The following VEGFC variants were observed in gnomAD, a reference collection of about 807,000 sequenced individuals.
The protein encoded by VEGFC is FLT4 ligand DHM.
A neutral mutation model predicts 46.1 loss-of-function variants in VEGFC; 12 were observed. The observed-to-expected ratio is 0.26, with a 90% CI of 0.17 to 0.42. The LOEUF is 0.42. Ranked by LOEUF, VEGFC falls within the 10% of genes least tolerant of loss-of-function variation. The probability of loss-of-function intolerance (pLI) is 1.00; values close to 1 mark genes in which losing one functional copy is unlikely to be tolerated. For synonymous variants in VEGFC, 232 were observed against 195.5 expected, an observed-to-expected ratio of 1.19 and a Z score of -1.56; for missense variants, 488 against 529.4, an observed-to-expected ratio of 0.92 and a Z score of 0.77.
At chr4:176,789,256 T>C (rs1035889169) in intron 1 of VEGFC, among the ~76,000 whole-genome samples, 2 of 152,224 alleles carry the variant, frequency 1.3e-5, no homozygotes, top group Admixed American at 1.3e-4. Context: ...ACCCTCCGTC[T>C]TTCTCAACTC....
chr4:176,768,591 G>T (rs1410804464), intron 1 of VEGFC, among the ~76,000 whole-genome samples: 1 of 149,396 alleles, frequency 6.7e-6, no homozygotes, highest in Non-Finnish European at 1.5e-5. Flanking sequence ...GCCCTCCAGG[G>T]GCTGCCAATC....
intron 1 of VEGFC, among the ~76,000 whole-genome samples, chr4:176,767,772 TAATGTGACTTACATCCTAAA>T (rs531445586): frequency 2.8e-4 from 43 of 152,290 alleles, no homozygotes; most frequent in African/African-American, 9.9e-4. Flanking sequence ...GAGAGGAATA[TAATGTGACTTACATCCTAAA>T]AGGATTCTTC....
intron 1 of VEGFC, among the ~76,000 whole-genome samples, chr4:176,787,846 T>C (rs1736029361): frequency 6.6e-6 from 1 of 152,240 alleles, no homozygotes; most frequent in South Asian, 2.1e-4. Context: ...GCATCTCTCC[T>C]TGTTTAAAGT....
intron 4 of VEGFC, among the ~76,000 whole-genome samples, chr4:176,690,215 T>G (rs1399643717): frequency 2.6e-5 from 4 of 152,202 alleles, no homozygotes; most frequent in African/African-American, 9.6e-5. Flanking sequence ...CCTGCATATA[T>G]TATGTACTTC....
chr4:176,784,322 A>G (rs1178175755), intron 1 of VEGFC, among the ~76,000 whole-genome samples: 1 of 151,972 alleles, frequency 6.6e-6, no homozygotes, highest in Non-Finnish European at 1.5e-5. Context: ...TACCTGACTC[A>G]GACTCCCAAA....
intron 3 of VEGFC, among the ~76,000 whole-genome samples, chr4:176,721,930 G>A (rs1413459028): frequency 6.6e-6 from 1 of 152,104 alleles, no homozygotes; most frequent in Admixed American, 6.6e-5. Flanking sequence ...CAGAGAAGGT[G>A]TCTTAGGTCA....
chr4:176,766,578 C>T (rs1267817741), intron 1 of VEGFC, among the ~76,000 whole-genome samples: 15 of 66,568 alleles, frequency 2.3e-4, no homozygotes, highest in Non-Finnish European at 4.7e-4. Flanking sequence ...CAGAATGACA[C>T]TCTGTCTCAA....
chr4:176,775,435 G>C (rs1735799042), intron 1 of VEGFC, among the ~76,000 whole-genome samples: 1 of 152,098 alleles, frequency 6.6e-6, no homozygotes, highest in Admixed American at 6.6e-5. Context: ...GTGTTGGACA[G>C]CCTGTTTCTT....
intron 6 of VEGFC, among the ~76,000 whole-genome samples, chr4:176,686,838 G>C (rs1734050570): frequency 6.6e-6 from 1 of 152,114 alleles, no homozygotes; most frequent in African/African-American, 2.4e-5. Context: ...AAAATTGTCT[G>C]CATTTAGAAC....
intron 1 of VEGFC, among the ~76,000 whole-genome samples, chr4:176,779,930 C>CCA (rs1302528826): frequency 6.6e-6 from 1 of 152,106 alleles, no homozygotes; most frequent in African/African-American, 2.4e-5. Context: ...GGAGTGAAAC[C>CCA]CACAGTAACA....
At position 176,693,073 on chromosome 4, in the gene VEGFC, TC is replaced by T. The variant is rs555058679; in HGVS notation, c.705-5147del. Among the ~76,000 whole-genome samples the T allele has an allele frequency of 1.2e-3, 179 of 152,104 alleles. 1 individual carries two copies. The highest frequency in any genetic ancestry group is 4.2e-3 in the African/African-American group (176 of 41,422). ...GAAAGTCTAAAAAGCAGAGTGCCTC[TC>T]CTCCTCCAAAGAAACACAGTTCCTT... On this transcript the variant is annotated intron_variant, in intron 4 of 6. Transcript: ENST00000618562.
At chr4:176,752,455 C>G (rs1426585121) in intron 1 of VEGFC, among the ~76,000 whole-genome samples, 1 of 152,018 alleles carries the variant, frequency 6.6e-6, no homozygotes, top group South Asian at 2.1e-4. Flanking sequence ...TTACTGCCAA[C>G]AAAACTACTC....
At chr4:176,732,449 A>C (rs1734984151) in intron 1 of VEGFC, among the ~76,000 whole-genome samples, 1 of 151,928 alleles carries the variant, frequency 6.6e-6, no homozygotes, top group African/African-American at 2.4e-5. Context: ...GGGGTCTCTT[A>C]GGTACAGATT....
chr4:176,778,365 T>G (rs1030799174), intron 1 of VEGFC, among the ~76,000 whole-genome samples: 1 of 146,474 alleles, frequency 6.8e-6, no homozygotes, highest in African/African-American at 2.5e-5. Context: ...AGAAAGACAA[T>G]GCCAAAAGGA....
chr4:176,689,887 C>T (rs1273728531), intron 4 of VEGFC, among the ~76,000 whole-genome samples: 1 of 152,162 alleles, frequency 6.6e-6, no homozygotes, highest in African/African-American at 2.4e-5. Flanking sequence ...GAGTTTGTCA[C>T]TTTTCTATGC....
chr4:176,699,070 A>G (rs116344701), intron 4 of VEGFC, among the ~76,000 whole-genome samples: 182 of 152,322 alleles, frequency 1.2e-3, no homozygotes, highest in African/African-American at 4.3e-3. Flanking sequence ...TTATTTCTAT[A>G]GATACGAACT....
intron 1 of VEGFC, among the ~76,000 whole-genome samples, chr4:176,765,424 C>A (rs1350015267): frequency 6.6e-6 from 1 of 151,918 alleles, no homozygotes; most frequent in Admixed American, 6.6e-5. Context: ...CTAGGATTTT[C>A]CAAGATAACA....
intron 1 of VEGFC, among the ~76,000 whole-genome samples, chr4:176,753,256 A>G (rs1468646772): frequency 1.3e-5 from 2 of 152,122 alleles, no homozygotes; most frequent in Admixed American, 6.6e-5. Context: ...GGAATGATGT[A>G]GAGTCCACAG....
rs1393032819 is a variant in VEGFC at position 176,740,048 on chromosome 4, CGA to C, written c.148-10304_148-10303del. On this transcript the variant is annotated intron_variant, in intron 1 of 6. Transcript: ENST00000618562. ...GATATATCGAATATATATAACTATT[CGA>C]TATATAGAATATATATAACTATATA... 5.6e-4 allele frequency among the ~76,000 whole-genome samples: 41 copies of C among 73,492 alleles called. 5 individuals carry two copies. Among genetic ancestry groups the C allele is most frequent in the African/African-American group, 1.9e-3 (37 of 19,292 alleles). The allele number at this position is 73,492 out of a possible 152,430, so 48.2% of individuals were successfully genotyped here.
Sources: gnomAD v4.1 joint callset for allele counts (sites outside exome capture counted in the v4.1 genomes callset) on GRCh38, gnomAD v4.1.1 for gene constraint, MANE v1.5 for transcripts, NCBI Gene and HGNC (gene_info 2026-07-23, HGNC 2026-07-21) for gene names.